Variants in PLCL2 observed in about 807,000 individuals in gnomAD.
The protein encoded by PLCL2 is phospholipase C like 2.
PLCL2 carries 4 observed loss-of-function variants against 79.6 expected under a neutral mutation model. That is an observed-to-expected ratio of 0.05 (90% CI 0.02 to 0.11). The LOEUF (loss-of-function observed/expected upper bound fraction) is 0.11, where lower values mean the gene tolerates loss of function less well. Among genes scored for constraint, PLCL2 ranks in the 10% least tolerant of loss-of-function variants. PLCL2 has a pLI of 1.00. For missense variants in PLCL2, 895 were observed against 1,291.0 expected, an observed-to-expected ratio of 0.69 and a Z score of 4.70; for synonymous variants, 484 against 457.7, an observed-to-expected ratio of 1.06 and a Z score of -0.73.
chr3:17,044,823 T>C (rs2064764145), intron 4 of PLCL2, among the ~76,000 whole-genome samples: 1 of 152,244 alleles, frequency 6.6e-6, no homozygotes, highest in African/African-American at 2.4e-5. Flanking sequence ...ATTTTCAGTA[T>C]AATGTGGCTT....
intron 1 of PLCL2, among the ~76,000 whole-genome samples, chr3:17,003,121 T>A (rs1212927550): frequency 1.3e-5 from 2 of 152,234 alleles, no homozygotes; most frequent in Non-Finnish European, 2.9e-5. Context: ...GATTGCTTTA[T>A]CTCTTGACAA....
At chr3:16,985,434 T>C (rs937586443) in intron 1 of PLCL2, among the ~76,000 whole-genome samples, 4 of 152,166 alleles carry the variant, frequency 2.6e-5, no homozygotes, top group African/African-American at 7.2e-5. Context: ...GTTAACAGTA[T>C]ACTTGATCAA....
chr3:17,050,241 T>C (rs2064825649), intron 4 of PLCL2, among the ~76,000 whole-genome samples: 1 of 152,100 alleles, frequency 6.6e-6, no homozygotes, highest in Non-Finnish European at 1.5e-5. Flanking sequence ...TTGGGGAAAC[T>C]TTCCAGGCAT....
At chr3:16,911,951 G>A (rs1696891571) in intron 1 of PLCL2, among the ~76,000 whole-genome samples, 1 of 152,076 alleles carries the variant, frequency 6.6e-6, no homozygotes, top group South Asian at 2.1e-4. Context: ...ATTACCTTCA[G>A]GCTATATGTA....
intron 3 of PLCL2, among the ~76,000 whole-genome samples, chr3:17,015,430 T>TC (rs2064373135): frequency 1.3e-5 from 2 of 152,212 alleles, no homozygotes; most frequent in Non-Finnish European, 2.9e-5. Context: ...TAATGGGGTA[T>TC]CCTCAGGACA....
chr3:16,931,683 C>T (rs1697396430), intron 1 of PLCL2, among the ~76,000 whole-genome samples: 1 of 152,120 alleles, frequency 6.6e-6, no homozygotes, highest in Admixed American at 6.5e-5. Flanking sequence ...GTGAATGACC[C>T]CAGGCAAGTC....
intron 1 of PLCL2, among the ~76,000 whole-genome samples, chr3:16,894,128 T>A (rs1487776708): frequency 6.6e-6 from 1 of 152,212 alleles, no homozygotes; most frequent in African/African-American, 2.4e-5. Flanking sequence ...TTTTATTTTT[T>A]ATTCTAAACT....
At chr3:16,972,016 G>T (rs1342499138) in intron 1 of PLCL2, among the ~76,000 whole-genome samples, 3 of 151,942 alleles carry the variant, frequency 2.0e-5, no homozygotes, top group African/African-American at 7.3e-5. Flanking sequence ...ATTAGGTATT[G>T]ATGGGACGTA....
intron 3 of PLCL2, among the ~76,000 whole-genome samples, chr3:17,024,351 C>T (rs1311347555): frequency 6.6e-6 from 1 of 152,098 alleles, no homozygotes; most frequent in Non-Finnish European, 1.5e-5. Flanking sequence ...TAAGAACATA[C>T]ACTTCATGTC....
chr3:16,951,606 T>C (rs2063652983), intron 1 of PLCL2, among the ~76,000 whole-genome samples: 1 of 152,156 alleles, frequency 6.6e-6, no homozygotes, highest in African/African-American at 2.4e-5. Flanking sequence ...TTTTGGCGAC[T>C]TACTTTTTAT....
rs17043024 is a variant in PLCL2, at chr3:17,034,889, T to C, written c.3019-7985T>C. Among the ~76,000 whole-genome samples the C allele has an allele frequency of 7.4e-3, 981 of 132,224 alleles. 12 individuals carry two copies. The highest frequency in any genetic ancestry group is 0.028 in the African/African-American group (938 of 33,234). 86.7% of individuals were successfully genotyped at this position (132,224 alleles called of 152,430 possible). On this transcript the variant is annotated intron_variant, in intron 3 of 5. Transcript: ENST00000615277. ...TCACCAAATGACCAGATCCGCAGCT[T>C]CCAATACTGTGGACTCACTCTCCCA...
intron 1 of PLCL2, among the ~76,000 whole-genome samples, chr3:16,980,626 G>T (rs1398443792): frequency 1.3e-5 from 2 of 151,996 alleles, no homozygotes; most frequent in Non-Finnish European, 2.9e-5. Context: ...ATGGCAGCCG[G>T]GCAGAGACGC....
At chr3:17,069,929 A>G (rs1224531097) in intron 5 of PLCL2, among the ~76,000 whole-genome samples, 2 of 152,222 alleles carry the variant, frequency 1.3e-5, no homozygotes, top group African/African-American at 4.8e-5. Flanking sequence ...ACGAAAAAGG[A>G]TTTGGCTTTA....
intron 1 of PLCL2, among the ~76,000 whole-genome samples, chr3:16,900,880 T>A (rs1239571363): frequency 6.6e-6 from 1 of 152,192 alleles, no homozygotes; most frequent in East Asian, 1.9e-4. Flanking sequence ...ACGTGTAAAT[T>A]GGGAAGGTAG....
intron 4 of PLCL2, among the ~76,000 whole-genome samples, chr3:17,065,655 T>C (rs1257903428): frequency 6.6e-6 from 1 of 152,222 alleles, no homozygotes; most frequent in Non-Finnish European, 1.5e-5. Flanking sequence ...CCCACTATTA[T>C]TGTTCCACCT....
At chr3:16,996,165 G>T (rs2064150886) in intron 1 of PLCL2, among the ~76,000 whole-genome samples, 1 of 152,176 alleles carries the variant, frequency 6.6e-6, no homozygotes, top group South Asian at 2.1e-4. Context: ...TTGAGGAATA[G>T]AAAGAAGCAA....
At chr3:16,904,969 A>G (rs1696717842) in intron 1 of PLCL2, among the ~76,000 whole-genome samples, 1 of 152,142 alleles carries the variant, frequency 6.6e-6, no homozygotes, top group Non-Finnish European at 1.5e-5. Flanking sequence ...TCTTTTATGA[A>G]TTATCTAGTC....
chr3:16,909,194 T>G (rs2124926727), intron 1 of PLCL2, among the ~76,000 whole-genome samples: 1 of 152,328 alleles, frequency 6.6e-6, no homozygotes, highest in East Asian at 1.9e-4. Flanking sequence ...TTTGAAATTG[T>G]TATCCTTGTT....
intron 1 of PLCL2, among the ~76,000 whole-genome samples, chr3:16,991,673 G>A (rs931960006): frequency 6.6e-6 from 1 of 152,064 alleles, no homozygotes; most frequent in African/African-American, 2.4e-5. Flanking sequence ...TGGTTTTCCC[G>A]TATTCCTGGT....
Sources: gnomAD v4.1 joint callset for allele counts (sites outside exome capture counted in the v4.1 genomes callset) on GRCh38, gnomAD v4.1.1 for gene constraint, MANE v1.5 for transcripts, NCBI Gene and HGNC (gene_info 2026-07-23, HGNC 2026-07-21) for gene names.